Variants in FBXW4 observed in about 807,000 individuals in gnomAD.
FBXW4 encodes the protein F-box/WD repeat-containing protein 4.
A neutral mutation model predicts 61.8 loss-of-function variants in FBXW4; 40 were observed. That is an observed-to-expected ratio of 0.65 (90% CI 0.50 to 0.84). FBXW4 has a LOEUF of 0.84. Among genes scored for constraint, FBXW4 ranks in the 40% least tolerant of loss-of-function variants. The pLI is 0.00. For missense variants in FBXW4, 672 were observed against 753.8 expected (o/e 0.89, Z 1.27); for synonymous variants, 311 against 313.8 (o/e 0.99, Z 0.10).
chr10:101,659,308 T>G (rs762559377), intron 5 of FBXW4: 21 of 851,392 alleles, frequency 2.5e-5, no homozygotes, highest in Admixed American at 6.2e-5. Flanking sequence ...TCAGCCATCT[T>G]GAACCCTGCA....
intron 5 of FBXW4, among the ~76,000 whole-genome samples, chr10:101,651,344 G>T (rs192001230): frequency 1.3e-5 from 2 of 152,192 alleles, no homozygotes; most frequent in Non-Finnish European, 1.5e-5. Flanking sequence ...GGAAATGGGT[G>T]GGGGGTGAAA....
intron 5 of FBXW4, among the ~76,000 whole-genome samples, chr10:101,630,793 G>A (rs2063947941): frequency 6.6e-6 from 1 of 152,160 alleles, no homozygotes; most frequent in African/African-American, 2.4e-5. Context: ...TCACCAAAGG[G>A]ATAAGGAAAT....
intron 1 of FBXW4, among the ~76,000 whole-genome samples, chr10:101,679,509 T>C (rs1040590385): frequency 2.0e-5 from 3 of 151,950 alleles, no homozygotes; most frequent in African/African-American, 7.2e-5. Flanking sequence ...AAACAGAAAA[T>C]TGTAAACTAA....
At chr10:101,663,338 A>G (rs1461353400) in intron 5 of FBXW4, among the ~76,000 whole-genome samples, 3 of 152,228 alleles carry the variant, frequency 2.0e-5, no homozygotes, top group Admixed American at 2.0e-4. Context: ...CAGTAAATAC[A>G]CAAGGAGTGA....
chr10:101,623,978 G>A (rs1263213426), intron 6 of FBXW4, among the ~76,000 whole-genome samples: 1 of 152,144 alleles, frequency 6.6e-6, no homozygotes, highest in Non-Finnish European at 1.5e-5. Context: ...AGGGGTAAAT[G>A]AGGAATTTTT....
At chr10:101,683,152 C>T (rs2064496644) in intron 1 of FBXW4, among the ~76,000 whole-genome samples, 1 of 152,208 alleles carries the variant, frequency 6.6e-6, no homozygotes, top group Non-Finnish European at 1.5e-5. Context: ...GGAGCAGGTA[C>T]CCCTTGGAAT....
chr10:101,619,302 C>G (rs918109690), intron 6 of FBXW4, among the ~76,000 whole-genome samples: 1 of 152,274 alleles, frequency 6.6e-6, no homozygotes, highest in East Asian at 1.9e-4. Context: ...GACTCTTTCT[C>G]GTTTAGATAG....
Position 101,612,387 on chromosome 10 carries a change from G to A in FBXW4, c.1392C>T (p.Ser464=), listed in dbSNP as rs1423762666. ...VMYESPFTLL[S]CGYDTYVRYW... ...AGCGAACATAGGTGTCATAGCCACA[G>A]GACAGCAGTGTGAAAGGGGACTCAT... is the stretch of plus-strand genomic sequence containing the variant. Residue 464 remains serine (S), a synonymous_variant, in exon 7 of 9, where the codon TCC becomes TCT. Transcript: ENST00000331272. 5 of 1,601,694 alleles carry A rather than the reference G, an allele frequency of 3.1e-6. No individual in the cohort carries two copies. The highest frequency in any genetic ancestry group is 4.3e-6 in the Non-Finnish European group (5 of 1,173,756).
At chr10:101,664,826 T>C (rs2064283108) in intron 5 of FBXW4, among the ~76,000 whole-genome samples, 1 of 152,216 alleles carries the variant, frequency 6.6e-6, no homozygotes, top group South Asian at 2.1e-4. Context: ...TGTCTCAATA[T>C]GCATAACACA....
intron 1 of FBXW4, among the ~76,000 whole-genome samples, chr10:101,677,178 T>TAA (rs1479925631): frequency 6.6e-6 from 1 of 152,194 alleles, no homozygotes; most frequent in African/African-American, 2.4e-5. Context: ...GTGTACTCTA[T>TAA]GACCTAGGAA....
At chr10:101,616,380 G>A (rs1229569441) in intron 6 of FBXW4, among the ~76,000 whole-genome samples, 1 of 152,226 alleles carries the variant, frequency 6.6e-6, no homozygotes, top group African/African-American at 2.4e-5. Flanking sequence ...GATGTAAGCT[G>A]TGACTTGATC....
chr10:101,616,633 G>A (rs1054124381), intron 6 of FBXW4, among the ~76,000 whole-genome samples: 2 of 152,250 alleles, frequency 1.3e-5, no homozygotes, highest in East Asian at 3.8e-4. Context: ...CAGGTGGCAG[G>A]AGCAGCAACA....
intron 5 of FBXW4, among the ~76,000 whole-genome samples, chr10:101,660,595 T>C (rs778847560): frequency 2.0e-5 from 3 of 152,224 alleles, no homozygotes; most frequent in Admixed American, 6.5e-5. Flanking sequence ...TGCTTCCACT[T>C]TGGGATGTGA....
intron 1 of FBXW4, among the ~76,000 whole-genome samples, chr10:101,688,456 GT>G (rs766116373): frequency 1.3e-5 from 2 of 152,224 alleles, no homozygotes; most frequent in Non-Finnish European, 2.9e-5. Context: ...AATGTGGACA[GT>G]TTGGATAAAA....
intron 4 of FBXW4, among the ~76,000 whole-genome samples, chr10:101,672,072 T>A (rs2064362612): frequency 1.3e-5 from 2 of 152,212 alleles, no homozygotes; most frequent in Non-Finnish European, 2.9e-5. Context: ...CCCTATGTGT[T>A]TTAGAGGCCC....
Position 101,694,936 on chromosome 10 carries a change from T to G in FBXW4, c.170A>C (p.Glu57Ala), listed in dbSNP as rs1272003224. 1 of 1,232,100 alleles carries G rather than the reference T, an allele frequency of 8.1e-7. No homozygotes were observed. The highest frequency in any genetic ancestry group is 1.0e-6 in the Non-Finnish European group (1 of 987,722). The allele number at this position is 1,232,100 out of a possible 1,614,324, so 76.3% of individuals were successfully genotyped here. A position where few individuals can be genotyped will look rare whatever the true frequency, so the allele number is the denominator to read the frequency against. The change falls in exon 1 of 9, where the codon GAA (glutamate) becomes GCA (alanine). Residue 57 changes from glutamate (E) to alanine (A), a missense_variant. Physicochemically the swap from Glu to Ala is moderately radical, Grantham distance 107 (BLOSUM62 -1). This residue lies in a region of FBXW4 where 5 missense variants were observed against 19.0 expected (regional missense o/e 0.26). Transcript: ENST00000331272. The surrounding 1 kb of genome is among the most constrained non-coding windows in gnomAD (Gnocchi z 6.0). Reference protein sequence around the residue: ...AGQGGRGSGAEGKPGPQTAKE... With the variant: ...AGQGGRGSGAAGKPGPQTAKE... ...CGCCGTCTGCGGCCCGGGCTTCCCT[T>G]CCGCCCCGCTTCCTCTTCCGCCTTG...
chr10:101,673,041 C>T lies in FBXW4; in HGVS notation c.1014G>A (p.Gly338=). 6.2e-7 allele frequency: 1 copy of T among 1,614,016 alleles called. No individual in the cohort carries two copies. The highest frequency in any genetic ancestry group is 8.5e-7 in the Non-Finnish European group (1 of 1,180,014). ...TGTGAATCTTATGAATGCCAATCTT[C>T]CCATCCCTAGGAGAGAAATAAGGAG... ...NSHIVSAGGD[G]KIGIHKIHST... is the part of the protein sequence containing the mutation. The change falls in exon 4 of 9, where the codon GGG becomes GGA. Residue 338 remains glycine (G), a synonymous_variant. Transcript: ENST00000331272.
intron 1 of FBXW4, 45 bp from the exon 2 acceptor site, chr10:101,676,481 C>A (rs1458326772): frequency 8.6e-6 from 13 of 1,514,500 alleles, no homozygotes; most frequent in Non-Finnish European, 1.1e-5. Context: ...CAACTTATTG[C>A]CAACCACAGA....
Position 101,611,863 on chromosome 10 carries a change from A to G in FBXW4, c.1443-94T>C, listed in dbSNP as rs1395680275. On this transcript the variant is annotated intron_variant, in intron 7 of 8. Transcript: ENST00000331272. This position sits in a 1 kb window ranked among gnomAD's most constrained non-coding sequence, Gnocchi z 4.9. ...CCTAGAGTGGCTGAGGGGAGCGTTA[A>G]GGAGCCATTCCGGGATGGAAGAGAA... 7.1e-7 allele frequency: 1 copy of G among 1,415,338 alleles called. No homozygotes were observed. The highest frequency in any genetic ancestry group is 2.4e-5 in the Admixed American group (1 of 41,108). 87.7% of individuals were successfully genotyped at this position (1,415,338 alleles called of 1,614,324 possible).
Sources: gnomAD v4.1 joint callset for allele counts (sites outside exome capture counted in the v4.1 genomes callset) on GRCh38, gnomAD v4.1.1 for gene constraint, gnomAD v4.1.1 regional missense constraint, Gnocchi (gnomAD v3.1) non-coding constraint, MANE v1.5 for transcripts, NCBI Gene and HGNC (gene_info 2026-07-23, HGNC 2026-07-21) for gene names.